Variants in CEP104 observed in about 807,000 individuals in gnomAD.
CEP104 encodes centrosomal protein 104.
Under a neutral mutation model 113.3 loss-of-function variants are expected in CEP104, and 84 were observed. That is an observed-to-expected ratio of 0.74 (90% confidence interval 0.62 to 0.89). The LOEUF (loss-of-function observed/expected upper bound fraction) is 0.89. Among genes scored for constraint, CEP104 ranks in the 40% least tolerant of loss-of-function variants. The probability of loss-of-function intolerance (pLI) is 0.00; values close to 1 mark genes in which losing one functional copy is unlikely to be tolerated. For missense variants in CEP104, 1,053 were observed against 1,156.6 expected, an observed-to-expected ratio of 0.91 and a Z score of 1.30; for synonymous variants, 378 against 421.7, an observed-to-expected ratio of 0.90 and a Z score of 1.27.
chr1:3,821,271 G>A (rs1643967698), intron 20 of CEP104, among the ~76,000 whole-genome samples: 1 of 152,208 alleles, frequency 6.6e-6, no homozygotes, highest in Non-Finnish European at 1.5e-5. Context: ...GGCTAGAGCT[G>A]GGATAATTCA....
rs780473847 is a variant in CEP104 at position 3,839,762 on chromosome 1, A to G, written c.581T>C (p.Ile194Thr). 2 of 1,610,352 alleles carry G rather than the reference A, an allele frequency of 1.2e-6. No homozygotes were observed. The highest frequency in any genetic ancestry group is 3.4e-5 in the Admixed American group (2 of 59,120). Residue 194 changes from isoleucine to threonine, a missense_variant, in exon 7 of 22, where the codon ATC becomes ACC. Ile to Thr is a moderately conservative substitution (Grantham distance 89). Coordinates refer to ENST00000378230, the MANE Select transcript of CEP104 (RefSeq NM_014704.4). ...EGTYARKSDYISPLDDLAFDM... is the reference protein window; with the variant it reads ...EGTYARKSDYTSPLDDLAFDM... ...AAAAGCTAAGTCATCTAGCGGAGAG[A>G]TATAGTCAGATTTCCTAAAGGGAAG...
chr1:3,834,845 C>T, intron 11 of CEP104, 80 bp downstream of exon 11: 1 of 1,362,064 alleles, frequency 7.3e-7, no homozygotes, highest in Non-Finnish European at 1.0e-6. Flanking sequence ...GGTCCTCTCT[C>T]AAGCTGCTCT....
intron 14 of CEP104, 147 bp downstream of exon 14, chr1:3,829,644 G>T: frequency 1.2e-6 from 1 of 854,562 alleles, no homozygotes; most frequent in Non-Finnish European, 1.9e-6. Flanking sequence ...TCTGAATGCG[G>T]GAACCTGTGT....
Position 3,812,764 on chromosome 1 carries a change from C to CGGGAGGCGGAGGTTGCA in CEP104, c.*2621_*2637dup, listed in dbSNP as rs1327263769. The CGGGAGGCGGAGGTTGCA allele has an allele frequency of 1.3e-5, 2 of 152,046 alleles. No homozygotes were observed. Among genetic ancestry groups the CGGGAGGCGGAGGTTGCA allele is most frequent in the Non-Finnish European group, 2.9e-5 (2 of 68,036 alleles). The allele number at this position is 152,046 out of a possible 1,614,324, so 9.4% of individuals were successfully genotyped here. On this transcript the variant is annotated 3_prime_UTR_variant, in exon 22 of 22. Coordinates refer to ENST00000378230, the MANE Select transcript of CEP104 (RefSeq NM_014704.4). ...CTGAGGCAGGAGAATTGCTCGAACC[C>CGGGAGGCGGAGGTTGCA]GGGAGGCGGAGGTTGCAGGGGGCCA...
intron 3 of CEP104, among the ~76,000 whole-genome samples, chr1:3,848,005 T>G (rs557487464): frequency 6.6e-6 from 1 of 152,174 alleles, no homozygotes; most frequent in East Asian, 1.9e-4. Context: ...CGGCTAATTT[T>G]TGTATTTTCA....
At chr1:3,817,970 G>A (rs934403114) in intron 20 of CEP104, among the ~76,000 whole-genome samples, 3 of 152,234 alleles carry the variant, frequency 2.0e-5, no homozygotes, top group South Asian at 2.1e-4. Flanking sequence ...ATCAGTCTCC[G>A]GCTGCGGACC....
intron 18 of CEP104, among the ~76,000 whole-genome samples, chr1:3,824,648 G>A (rs1054810631): frequency 1.2e-4 from 18 of 152,304 alleles, no homozygotes; most frequent in African/African-American, 3.6e-4. Context: ...AAAAACAGAT[G>A]GACAACCCGA....
intron 1 of CEP104, chr1:3,855,731 C>G (rs917551272): frequency 9.8e-6 from 2 of 204,448 alleles, no homozygotes; most frequent in East Asian, 3.7e-4. Context: ...AGGGTCCCCT[C>G]TGTGTAAACC....
intron 12 of CEP104, among the ~76,000 whole-genome samples, chr1:3,831,515 CT>C: frequency 6.6e-6 from 1 of 152,298 alleles, no homozygotes; most frequent in South Asian, 2.1e-4. Context: ...GGTTTCTGTT[CT>C]CAGTATTCTC....
intron 20 of CEP104, among the ~76,000 whole-genome samples, chr1:3,821,733 C>G (rs1259775398): frequency 2.0e-5 from 3 of 152,218 alleles, no homozygotes; most frequent in African/African-American, 7.2e-5. Context: ...ACAGGAAATA[C>G]AGGGACAGAG....
At chr1:3,826,995 G>A (rs1029770169) in intron 15 of CEP104, among the ~76,000 whole-genome samples, 5 of 150,046 alleles carry the variant, frequency 3.3e-5, no homozygotes, top group Non-Finnish European at 7.4e-5. Context: ...TCTACAAAAA[G>A]TACAAAACTT....
chr1:3,845,157 T>C, intron 5 of CEP104, 132 bp downstream of exon 5: 1 of 854,390 alleles, frequency 1.2e-6, no homozygotes, highest in Non-Finnish European at 1.9e-6. Flanking sequence ...CTCCTAAAAA[T>C]CATCTGAAAG....
At chr1:3,850,719 C>T (rs374764091) in intron 2 of CEP104, among the ~76,000 whole-genome samples, 9 of 152,212 alleles carry the variant, frequency 5.9e-5, no homozygotes, top group African/African-American at 1.2e-4. Context: ...CAAGAGACCC[C>T]GAGCCAAACC....
chr1:3,838,987 G>A lies in CEP104; in HGVS notation c.868C>T (p.His290Tyr). 5 of 1,614,138 alleles carry A rather than the reference G, an allele frequency of 3.1e-6. No individual in the cohort carries two copies. Among genetic ancestry groups the A allele is most frequent in the Non-Finnish European group, 4.2e-6 (5 of 1,180,042 alleles). Residue 290 changes from histidine to tyrosine, a missense_variant, in exon 8 of 22, where the codon CAC (histidine) becomes TAC (tyrosine). By Grantham distance (83) the His-to-Tyr change is moderately conservative. Coordinates refer to ENST00000378230, the MANE Select transcript of CEP104 (RefSeq NM_014704.4). ...RAEVYEQLEL[H>Y]SLLDAELMRR... ...ACCAGCTCGGCATCCAGGAGGCTGT[G>A]CAGCTCCAGCTGCTCGTACACCTCG...
chr1:3,855,647 T>TTA (rs1644706648), intron 1 of CEP104, among the ~76,000 whole-genome samples: 1 of 152,220 alleles, frequency 6.6e-6, no homozygotes, highest in Admixed American at 6.5e-5. Context: ...GGCAATGCTA[T>TTA]TACCTCAGTC....
chr1:3,829,636 T>C (rs529875316), intron 14 of CEP104, 155 bp downstream of exon 14: 16 of 808,540 alleles, frequency 2.0e-5, no homozygotes, highest in Non-Finnish European at 3.0e-5. Flanking sequence ...AGCCGGGATC[T>C]GAATGCGGGA....
intron 21 of CEP104, 185 bp downstream of exon 21, chr1:3,816,095 T>G: frequency 1.8e-6 from 1 of 544,714 alleles, no homozygotes; most frequent in Non-Finnish European, 3.2e-6. Context: ...AGAAGGATTT[T>G]GGTCACACGA....
chr1:3,831,549 C>T (rs1339091814), intron 12 of CEP104, among the ~76,000 whole-genome samples: 1 of 152,186 alleles, frequency 6.6e-6, no homozygotes, highest in Admixed American at 6.6e-5. Flanking sequence ...AAGGTTTTCT[C>T]ATTTCTAAAA....
In CEP104 at chr1:3,823,342, C is replaced by T; in HGVS notation, c.2503+82G>A. 2.5e-6 allele frequency: 4 copies of T among 1,611,072 alleles called. No individual in the cohort carries two copies. The highest frequency in any genetic ancestry group is 3.4e-6 in the Non-Finnish European group (4 of 1,177,354). On this transcript the variant is annotated intron_variant, in intron 19 of 21. Coordinates refer to ENST00000378230, the MANE Select transcript of CEP104 (RefSeq NM_014704.4). This position sits in a 1 kb window ranked among gnomAD's most constrained non-coding sequence, Gnocchi z 4.1. ...TGCCCTTTAATTCACCAAGCCCTTGCACAGGCTCAAGAGCAGTGGCACTTC... is the reference window on the plus strand; with the variant it reads ...TGCCCTTTAATTCACCAAGCCCTTGTACAGGCTCAAGAGCAGTGGCACTTC...
Sources: gnomAD v4.1 joint callset for allele counts (sites outside exome capture counted in the v4.1 genomes callset) on GRCh38, gnomAD v4.1.1 for gene constraint, Gnocchi (gnomAD v3.1) non-coding constraint, MANE v1.5 for transcripts, NCBI Gene and HGNC (gene_info 2026-07-23, HGNC 2026-07-21) for gene names.